Variants in DIP2C observed in about 807,000 individuals in gnomAD.
DIP2C encodes the protein disco-interacting protein 2 homolog C.
In DIP2C, 33 loss-of-function variants were observed where a neutral mutation model predicts 192.4. The ratio of observed to expected loss-of-function variants is 0.17; its 90% CI spans 0.13 to 0.23. The LOEUF is 0.23. Ranked by LOEUF, DIP2C falls within the 10% of genes least tolerant of loss-of-function variation. DIP2C has a pLI of 1.00. For synonymous variants in DIP2C, 979 were observed against 864.1 expected (o/e 1.13, Z -2.33); for missense variants, 1,537 against 2,110.1 (o/e 0.73, Z 5.32).
chr10:522,900 C>T (rs180726573), intron 1 of DIP2C, among the ~76,000 whole-genome samples: 2 of 152,186 alleles, frequency 1.3e-5, no homozygotes, highest in East Asian at 1.9e-4. Context: ...CCAACACGCT[C>T]GTTTCTACCT....
intron 3 of DIP2C, among the ~76,000 whole-genome samples, chr10:470,946 G>A (rs140471985): frequency 6.6e-6 from 1 of 152,140 alleles, no homozygotes. Flanking sequence ...GTGTCTGCAT[G>A]GCAGCACTGA....
intron 1 of DIP2C, among the ~76,000 whole-genome samples, chr10:610,938 C>A (rs1055055327): frequency 6.8e-6 from 1 of 147,370 alleles, no homozygotes; most frequent in African/African-American, 2.6e-5. Flanking sequence ...GTTTCTAACC[C>A]CCCCGTGTTG....
chr10:617,461 G>A (rs1480989880), intron 1 of DIP2C, among the ~76,000 whole-genome samples: 3 of 152,156 alleles, frequency 2.0e-5, no homozygotes, highest in African/African-American at 7.2e-5. Flanking sequence ...CAGCACACGT[G>A]GGACCCTAGC....
chr10:510,104 C>T (rs1256693958), intron 1 of DIP2C, among the ~76,000 whole-genome samples: 3 of 152,212 alleles, frequency 2.0e-5, no homozygotes, highest in Admixed American at 6.5e-5. Flanking sequence ...CTGTAGCAAT[C>T]GCCTTCCTGG....
intron 17 of DIP2C, among the ~76,000 whole-genome samples, chr10:371,808 C>A (rs1447504977): frequency 6.6e-6 from 1 of 152,214 alleles, no homozygotes; most frequent in Non-Finnish European, 1.5e-5. Context: ...TTGGGGTCTC[C>A]AACTCCAGCC....
chr10:474,313 C>T (rs191787272), intron 2 of DIP2C, among the ~76,000 whole-genome samples: 156 of 152,302 alleles, frequency 1.0e-3, no homozygotes, highest in African/African-American at 3.0e-3. Context: ...TTCTATCTTA[C>T]GCTTTTCAAT....
intron 32 of DIP2C, among the ~76,000 whole-genome samples, chr10:306,554 T>C (rs776279446): frequency 6.6e-6 from 1 of 152,212 alleles, no homozygotes; most frequent in Non-Finnish European, 1.5e-5. Context: ...CAGTAATTAA[T>C]CCTGTGACAG....
At chr10:509,057 G>C (rs1271172260) in intron 1 of DIP2C, among the ~76,000 whole-genome samples, 1 of 152,170 alleles carries the variant, frequency 6.6e-6, no homozygotes. Context: ...GAACCGGCCT[G>C]TTCCAGGGAC....
chr10:661,517 C>G (rs933041873), intron 1 of DIP2C, among the ~76,000 whole-genome samples: 2 of 152,224 alleles, frequency 1.3e-5, no homozygotes, highest in African/African-American at 4.8e-5. Flanking sequence ...CTCGCTGCCT[C>G]CAGCTGGAGT....
intron 1 of DIP2C, among the ~76,000 whole-genome samples, chr10:512,559 T>G (rs1333584675): frequency 1.3e-5 from 2 of 152,102 alleles, no homozygotes; most frequent in African/African-American, 4.8e-5. Context: ...CACTCCAGCC[T>G]GGGCGACAGA....
chr10:329,247 G>A (rs539926129), intron 30 of DIP2C, among the ~76,000 whole-genome samples, 186 bp downstream of exon 30: 2 of 152,240 alleles, frequency 1.3e-5, no homozygotes, highest in Non-Finnish European at 2.9e-5. Flanking sequence ...GTCTGTGGTC[G>A]TGGGGAAATA....
rs1954474956 is a variant in DIP2C at position 275,618 on chromosome 10, T to C, written c.*1707A>G. 6.6e-6 allele frequency: 1 copy of C among 152,038 alleles called. No individual in the cohort carries two copies. Among genetic ancestry groups the C allele is most frequent in the Admixed American group, 6.5e-5 (1 of 15,272 alleles). The allele number at this position is 152,038 out of a possible 1,614,324, so 9.4% of individuals were successfully genotyped here. A position where few individuals can be genotyped will look rare whatever the true frequency, so the allele number is the denominator to read the frequency against. ...AACATAATGAAAGATCATCTACATTTTGCCCAGCATCAATCTTAGTCATGC... is the reference window on the plus strand; with the variant it reads ...AACATAATGAAAGATCATCTACATTCTGCCCAGCATCAATCTTAGTCATGC... On this transcript the variant is annotated 3_prime_UTR_variant, in exon 37 of 37. Transcript: ENST00000280886.
intron 1 of DIP2C, among the ~76,000 whole-genome samples, chr10:590,694 T>A (rs1454717313): frequency 6.6e-6 from 1 of 152,344 alleles, no homozygotes; most frequent in Non-Finnish European, 1.5e-5. Flanking sequence ...GACGGGTTTT[T>A]ACTTTACATA....
rs542178606 is a variant in DIP2C, at chr10:363,944, A to G, written c.2477+430T>C. Among the ~76,000 whole-genome samples, 140 of 152,262 alleles carry G rather than the reference A, an allele frequency of 9.2e-4. No homozygotes were observed. Among genetic ancestry groups the G allele is most frequent in the African/African-American group, 3.2e-3 (133 of 41,550 alleles). ...CAACTTATTTCATCACGGAGCCTCC[A>G]CTGTGCACCAGGCAAGGCAGGGAGA... is the stretch of plus-strand genomic sequence containing the variant. On this transcript the variant is annotated intron_variant, in intron 20 of 36. Coordinates refer to ENST00000280886, the MANE Select transcript of DIP2C (RefSeq NM_014974.3). The surrounding 1 kb of genome is among the most constrained non-coding windows in gnomAD (Gnocchi z 5.4).
intron 1 of DIP2C, among the ~76,000 whole-genome samples, chr10:612,967 C>G (rs541686579): frequency 1.6e-3 from 237 of 152,202 alleles, no homozygotes; most frequent in African/African-American, 5.3e-3. Context: ...TGGGTGTGCA[C>G]GTTGAGCTGG....
At chr10:385,489 G>A (rs1195120025) in intron 14 of DIP2C, among the ~76,000 whole-genome samples, 7 of 152,274 alleles carry the variant, frequency 4.6e-5, no homozygotes, top group East Asian at 1.9e-4. Flanking sequence ...AATTCTTCCC[G>A]GTGTGTTATG....
intron 28 of DIP2C, among the ~76,000 whole-genome samples, chr10:343,910 G>A (rs575575877): frequency 7.9e-4 from 120 of 152,316 alleles, no homozygotes; most frequent in Non-Finnish European, 1.5e-3. Flanking sequence ...ATTCACAGAC[G>A]AGGGCATGGA....
At chr10:576,103 C>T (rs1051545115) in intron 1 of DIP2C, among the ~76,000 whole-genome samples, 3 of 152,186 alleles carry the variant, frequency 2.0e-5, no homozygotes, top group African/African-American at 7.2e-5. Flanking sequence ...CGCTCCTGTA[C>T]GGGTTTGCTG....
At chr10:419,004 G>A (rs1392498654) in intron 6 of DIP2C, 61 bp downstream of exon 6, 31 of 1,608,904 alleles carry the variant, frequency 1.9e-5, no homozygotes, top group Middle Eastern at 3.5e-4. Flanking sequence ...CATGGGCACG[G>A]AACGGGACGT....
Sources: allele counts gnomAD v4.1 joint callset (sites outside exome capture counted in the v4.1 genomes callset), GRCh38; gene constraint gnomAD v4.1.1; non-coding constraint Gnocchi (gnomAD v3.1); transcripts MANE v1.5; gene names NCBI Gene and HGNC (gene_info 2026-07-23, HGNC 2026-07-21).